The following TSHR variants were observed in gnomAD, a reference collection of about 807,000 sequenced individuals.
TSHR encodes thyrotropin receptor.
Under a neutral mutation model 64.1 loss-of-function variants are expected in TSHR, and 51 were observed. That is an observed-to-expected ratio of 0.80 (90% CI 0.64 to 1.01). TSHR has a LOEUF of 1.01. Ranked by LOEUF, TSHR falls within the 50% of genes least tolerant of loss-of-function variation. The pLI is 0.00. For synonymous variants in TSHR, 361 were observed against 361.9 expected (o/e 1.00, Z 0.03); for missense variants, 877 against 942.8 (o/e 0.93, Z 0.91).
intron 1 of TSHR, among the ~76,000 whole-genome samples, chr14:80,973,403 CAAAAAAAAAAA>C (rs58316010): frequency 4.1e-4 from 21 of 51,454 alleles, no homozygotes; most frequent in African/African-American, 1.3e-3. Flanking sequence ...GACGCTGTCT[CAAAAAAAAAAA>C]AAAAAAAAAA....
chr14:81,005,620 C>G (rs1312973192), intron 1 of TSHR, among the ~76,000 whole-genome samples: 1 of 152,054 alleles, frequency 6.6e-6, no homozygotes, highest in African/African-American at 2.4e-5. Flanking sequence ...TGTCATATCC[C>G]CCAGGATGCC....
chr14:81,110,872 A>G (rs531688413), intron 8 of TSHR, among the ~76,000 whole-genome samples: 105 of 152,360 alleles, frequency 6.9e-4, no homozygotes, highest in African/African-American at 2.5e-3. Context: ...GACTTTGAAC[A>G]GCCATAGCCA....
intron 1 of TSHR, among the ~76,000 whole-genome samples, chr14:81,000,176 C>T (rs907638742): frequency 4.9e-4 from 74 of 152,050 alleles, no homozygotes; most frequent in African/African-American, 1.7e-3. Context: ...AGGCAATCCG[C>T]CCGCCTTGGC....
rs2140109905 is a variant in TSHR at position 81,143,204 on chromosome 14, C to A, written c.1146C>A (p.Asp382Glu). The A allele has an allele frequency of 6.2e-7, 1 of 1,614,186 alleles. No individual in the cohort carries two copies. Among genetic ancestry groups the A allele is most frequent in the Non-Finnish European group, 8.5e-7 (1 of 1,180,040 alleles). The change falls in exon 10 of 10, where the codon GAC (aspartate) becomes GAA (glutamate). Residue 382 changes from aspartate (D) to glutamate (E), a missense_variant. Transcript: ENST00000298171. ...NPQEETLQAF[D>E]SHYDYTICGD... is the part of the protein sequence containing the mutation. ...AGGAAGAGACTCTACAAGCTTTTGA[C>A]AGCCATTATGACTACACCATATGTG...
chr14:81,076,495 G>A (rs1442388571), intron 3 of TSHR, among the ~76,000 whole-genome samples: 11 of 151,984 alleles, frequency 7.2e-5, no homozygotes, highest in Non-Finnish European at 1.3e-4. Flanking sequence ...CATATCTCAC[G>A]TTTTATATCC....
Position 81,108,343 on chromosome 14 carries a change from T to TTCTC in TSHR, c.615-22_615-19dup, listed in dbSNP as rs3837640. 785,088 of 1,408,358 alleles carry TTCTC rather than the reference T, an allele frequency of 0.56. 184,930 individuals carry two copies. The highest frequency in any genetic ancestry group is 0.62 in the Middle Eastern group (2,754 of 4,430). 87.2% of individuals were successfully genotyped at this position (1,408,358 alleles called of 1,614,324 possible). On this transcript the variant is annotated intron_variant, in intron 7 of 9. Transcript: ENST00000298171. ...TGATTTCTTAAAATCACCTAATTCA[T>TTCTC]TCTCTCTCTCTCTTTCTCTCTCTCC...
At chr14:81,132,671 C>G (rs1300027023) in intron 8 of TSHR, among the ~76,000 whole-genome samples, 5 of 152,248 alleles carry the variant, frequency 3.3e-5, no homozygotes, top group Non-Finnish European at 7.4e-5. Context: ...TAAATACTTG[C>G]TAGAGACAAA....
At chr14:80,977,802 T>G (rs555836178) in intron 1 of TSHR, among the ~76,000 whole-genome samples, 1 of 152,332 alleles carries the variant, frequency 6.6e-6, no homozygotes, top group Non-Finnish European at 1.5e-5. Context: ...TCTACAGTAT[T>G]CAATTCAATG....
At chr14:81,060,703 AAT>A (rs1886174177) in intron 1 of TSHR, among the ~76,000 whole-genome samples, 1 of 152,188 alleles carries the variant, frequency 6.6e-6, no homozygotes. Flanking sequence ...GAGAAGAAAA[AAT>A]ACACAATGTT....
intron 1 of TSHR, among the ~76,000 whole-genome samples, chr14:80,975,968 G>C (rs949176606): frequency 5.3e-5 from 8 of 150,902 alleles, no homozygotes; most frequent in Admixed American, 5.3e-4. Context: ...CTGGAGTGCA[G>C]TGGCACAATC....
intron 1 of TSHR, among the ~76,000 whole-genome samples, chr14:81,043,736 C>T (rs2139850557): frequency 6.6e-6 from 1 of 152,160 alleles, no homozygotes; most frequent in South Asian, 2.1e-4. Context: ...CAAGAACAGA[C>T]ACATAGACCA....
chr14:81,097,901 A>G (rs913335273), intron 7 of TSHR, among the ~76,000 whole-genome samples: 5 of 152,092 alleles, frequency 3.3e-5, no homozygotes, highest in African/African-American at 1.2e-4. Context: ...ATAATGGTTC[A>G]TTTCCATTAT....
intron 1 of TSHR, among the ~76,000 whole-genome samples, chr14:81,026,827 G>A (rs1884083104): frequency 1.3e-5 from 2 of 152,088 alleles, no homozygotes; most frequent in African/African-American, 2.4e-5. Flanking sequence ...CCTGAGGTCA[G>A]GAGTTCAAGA....
At chr14:81,118,710 G>T (rs1012288292) in intron 8 of TSHR, among the ~76,000 whole-genome samples, 2 of 152,106 alleles carry the variant, frequency 1.3e-5, no homozygotes, top group South Asian at 2.1e-4. Context: ...AAAAGAGCCC[G>T]CATCGCCAAG....
At chr14:81,080,474 T>C (rs948647393) in intron 3 of TSHR, among the ~76,000 whole-genome samples, 1 of 152,204 alleles carries the variant, frequency 6.6e-6, no homozygotes, top group Non-Finnish European at 1.5e-5. Context: ...GAGAATCACT[T>C]CTATAATGTT....
rs1318569983 is a variant in TSHR at position 81,103,016 on chromosome 14, T to C, written c.615-5359T>C. On this transcript the variant is annotated intron_variant, in intron 7 of 9. Coordinates refer to ENST00000298171, the MANE Select transcript of TSHR (RefSeq NM_000369.5). This position sits in a 1 kb window ranked among gnomAD's most constrained non-coding sequence, Gnocchi z 4.1. ...CATTCTACCCTAAGTTTCTGACTCC[T>C]AGTCAATAGAAATTTATTCTTTCCT... 1 of 985,326 alleles carries C rather than the reference T, an allele frequency of 1.0e-6. No individual in the cohort carries two copies. The highest frequency in any genetic ancestry group is 1.2e-6 in the Non-Finnish European group (1 of 829,936). 61.0% of individuals were successfully genotyped at this position (985,326 alleles called of 1,614,324 possible).
chr14:80,955,812 T>G lies in TSHR; in HGVS notation c.132T>G (p.Ile44Met), dbSNP rs984401719. ...ACTTCAGAGTCACCTGCAAGGATAT[T>G]CAACGCATCCCCAGCTTACCGCCCA... is the stretch of plus-strand genomic sequence containing the variant. ...EEDFRVTCKD[I>M]QRIPSLPPST... is the part of the protein sequence containing the mutation. Residue 44 changes from isoleucine (I) to methionine (M), a missense_variant, in exon 1 of 10, where the codon ATT becomes ATG. Physicochemically the swap from Ile to Met is conservative, Grantham distance 10. Transcript: ENST00000298171. 2.5e-6 allele frequency: 4 copies of G among 1,614,176 alleles called. No homozygotes were observed. Among genetic ancestry groups the G allele is most frequent in the Non-Finnish European group, 3.4e-6 (4 of 1,180,032 alleles).
At chr14:80,989,823 A>G (rs1178205767) in intron 1 of TSHR, among the ~76,000 whole-genome samples, 2 of 152,150 alleles carry the variant, frequency 1.3e-5, no homozygotes, top group African/African-American at 4.8e-5. Context: ...CCTGTATTTT[A>G]CAGCTAAGGG....
intron 1 of TSHR, among the ~76,000 whole-genome samples, chr14:80,975,403 C>T (rs966625582): frequency 6.6e-6 from 1 of 152,120 alleles, no homozygotes; most frequent in East Asian, 1.9e-4. Flanking sequence ...TTTTTCCTCC[C>T]TCTCCTACTC....
Sources: gnomAD v4.1 joint callset for allele counts (sites outside exome capture counted in the v4.1 genomes callset) on GRCh38, gnomAD v4.1.1 for gene constraint, Gnocchi (gnomAD v3.1) non-coding constraint, MANE v1.5 for transcripts, NCBI Gene and HGNC (gene_info 2026-07-23, HGNC 2026-07-21) for gene names.